The following SNRPA variants were observed in gnomAD, a reference collection of about 807,000 sequenced individuals.
The protein encoded by SNRPA is small nuclear ribonucleoprotein polypeptide A.
A neutral mutation model predicts 24.5 loss-of-function variants in SNRPA; 10 were observed. The observed-to-expected ratio is 0.41, with a 90% CI of 0.25 to 0.69. The LOEUF is 0.69. Ranked by LOEUF, SNRPA falls within the 30% of genes least tolerant of loss-of-function variation. The pLI, the probability that SNRPA is intolerant of heterozygous loss-of-function variation, is 0.33. For missense variants in SNRPA, 283 were observed against 394.7 expected (o/e 0.72, Z 2.40); for synonymous variants, 165 against 148.4 (o/e 1.11, Z -0.81).
At chr19:40,757,306 A>C (rs1448311070) in intron 1 of SNRPA, 26 bp from the exon 2 acceptor site, 4 of 1,612,848 alleles carry the variant, frequency 2.5e-6, no homozygotes, top group Non-Finnish European at 2.5e-6. Context: ...AGGGGAGCTC[A>C]AAGGTCTTTT....
intron 1 of SNRPA, among the ~76,000 whole-genome samples, chr19:40,756,325 G>C (rs1382641605): frequency 1.3e-5 from 2 of 151,642 alleles, no homozygotes; most frequent in African/African-American, 4.9e-5. Flanking sequence ...GCCAGGTGTG[G>C]TGGCACACTC....
At chr19:40,759,657 C>T (rs758978597) in intron 3 of SNRPA, 47 bp downstream of exon 3, 2 of 1,533,456 alleles carry the variant, frequency 1.3e-6, no homozygotes, top group Non-Finnish European at 1.8e-6. Context: ...AGACCTTCCT[C>T]AGCCACATGG....
At chr19:40,756,568 C>A (rs2082909295) in intron 1 of SNRPA, among the ~76,000 whole-genome samples, 1 of 150,550 alleles carries the variant, frequency 6.6e-6, no homozygotes. Context: ...TGCACTCCAG[C>A]CTGGGTGACA....
intron 2 of SNRPA, among the ~76,000 whole-genome samples, chr19:40,757,946 A>AAAT (rs2082915382): frequency 6.7e-6 from 1 of 149,468 alleles, no homozygotes; most frequent in African/African-American, 2.5e-5. Flanking sequence ...TGTCTCAGAA[A>AAAT]AAATAAATAA....
intron 3 of SNRPA, 107 bp downstream of exon 3, chr19:40,759,717 C>T: frequency 1.0e-6 from 1 of 967,658 alleles, no homozygotes; most frequent in Non-Finnish European, 1.5e-6. Context: ...GGCTTCAGAC[C>T]CCTCCTTTCC....
At chr19:40,754,092 C>T (rs1007951013) in intron 1 of SNRPA, among the ~76,000 whole-genome samples, 3 of 146,830 alleles carry the variant, frequency 2.0e-5, no homozygotes, top group Middle Eastern at 3.6e-3. Context: ...TCAGCCCCAG[C>T]GCCCGGCGTT....
At chr19:40,754,092 C>A (rs1007951013) in intron 1 of SNRPA, among the ~76,000 whole-genome samples, 2 of 146,748 alleles carry the variant, frequency 1.4e-5, no homozygotes, top group African/African-American at 5.0e-5. Context: ...TCAGCCCCAG[C>A]GCCCGGCGTT....
Position 40,765,059 on chromosome 19 carries a change from C to G in SNRPA, c.741C>G (p.Ala247=), listed in dbSNP as rs2082948309. The G allele has an allele frequency of 6.3e-7, 1 of 1,593,236 alleles. No individual in the cohort carries two copies. Among genetic ancestry groups the G allele is most frequent in the Non-Finnish European group, 8.5e-7 (1 of 1,171,106 alleles). The change falls in exon 6 of 6, where the codon GCC becomes GCG. Residue 247 remains alanine, a synonymous_variant. Coordinates refer to ENST00000243563, the MANE Select transcript of SNRPA (RefSeq NM_004596.5). ...TGGTACCCGGGCGGCATGACATCGC[C>G]TTCGTGGAGTTTGACAATGAGGTAC... ...VRLVPGRHDI[A]FVEFDNEVQA... is the part of the protein sequence containing the mutation.
At chr19:40,757,910 C>T (rs1196329353) in intron 2 of SNRPA, among the ~76,000 whole-genome samples, 1 of 151,400 alleles carries the variant, frequency 6.6e-6, no homozygotes, top group Non-Finnish European at 1.5e-5. Flanking sequence ...CCACTGCACT[C>T]CAGCCTAGGC....
At position 40,753,797 on chromosome 19, in the gene SNRPA, A is replaced by T. The variant is rs193285481; in HGVS notation, c.73+2316A>T. ...GTTTTTTGTTTTTAAATCTTATTTT[A>T]TTTATTTATTTATTTTTGAGACGGA... On this transcript the variant is annotated intron_variant, in intron 1 of 5. Coordinates refer to ENST00000243563, the MANE Select transcript of SNRPA (RefSeq NM_004596.5). 6.8e-3 allele frequency among the ~76,000 whole-genome samples: 1,018 copies of T among 149,856 alleles called. 15 individuals are homozygous for T. The highest frequency in any genetic ancestry group is 0.023 in the African/African-American group (954 of 40,756).
intron 1 of SNRPA, among the ~76,000 whole-genome samples, chr19:40,756,620 G>T (rs1288706160): frequency 6.6e-6 from 1 of 151,764 alleles, no homozygotes; most frequent in Non-Finnish European, 1.5e-5. Flanking sequence ...AAAAATTGTG[G>T]TGGAGTCTGT....
At position 40,751,822 on chromosome 19, in the gene SNRPA, C is replaced by G. The variant is rs2082869615; in HGVS notation, c.73+341C>G. ...TTCCTCTGAGCTGTCGTGGGGCTCT[C>G]TCTCCTCCCAGTGGCCTTTGAACTC... On this transcript the variant is annotated intron_variant, in intron 1 of 5. Transcript: ENST00000243563. Among the ~76,000 whole-genome samples the G allele has an allele frequency of 5.9e-5, 9 of 152,264 alleles. No individual in the cohort carries two copies. The South Asian group carries it at 1.9e-3, about 32-fold the overall frequency.
intron 3 of SNRPA, among the ~76,000 whole-genome samples, chr19:40,761,361 T>C (rs1021162624): frequency 6.6e-6 from 1 of 151,542 alleles, no homozygotes; most frequent in African/African-American, 2.4e-5. Context: ...CCCTACCTCA[T>C]ACTATATGCA....
chr19:40,760,730 G>A (rs2082927787), intron 3 of SNRPA, among the ~76,000 whole-genome samples: 1 of 152,154 alleles, frequency 6.6e-6, no homozygotes, highest in Non-Finnish European at 1.5e-5. Context: ...CTTTAGGTCA[G>A]GAGTTCAAGA....
chr19:40,751,522 C>G, intron 1 of SNRPA, 41 bp downstream of exon 1: 2 of 1,445,128 alleles, frequency 1.4e-6, no homozygotes, highest in Non-Finnish European at 1.9e-6. Flanking sequence ...CTGTCCCGCA[C>G]GGGCTGGCCC....
rs1368001200 is a variant in SNRPA, at chr19:40,751,370, G to A, written c.-39G>A. ...TGGAGAAACCCAGGGCTAAAGTCAC[G>A]TTTTTCCTCCTTTAAGACTTACCTC... On this transcript the variant is annotated 5_prime_UTR_variant, in exon 1 of 6. Transcript: ENST00000243563. 6.6e-7 allele frequency: 1 copy of A among 1,523,810 alleles called. No homozygotes were observed. The highest frequency in any genetic ancestry group is 1.4e-5 in the African/African-American group (1 of 73,004). The allele number at this position is 1,523,810 out of a possible 1,614,324, so 94.4% of individuals were successfully genotyped here.
chr19:40,753,545 C>T (rs1164791272), intron 1 of SNRPA, among the ~76,000 whole-genome samples: 15 of 149,740 alleles, frequency 1.0e-4, no homozygotes, highest in African/African-American at 2.4e-4. Flanking sequence ...TACAGGCACC[C>T]GCCACCACGC....
intron 4 of SNRPA, chr19:40,763,377 G>A (rs1375253893): frequency 1.3e-5 from 8 of 609,228 alleles, no homozygotes; most frequent in Middle Eastern, 6.7e-4. Context: ...AGCAGGGACT[G>A]AGATAGAAAC....
rs768830674 is a variant in SNRPA at position 40,763,699 on chromosome 19, G to A, written c.689+24G>A. On this transcript the variant is annotated intron_variant, in intron 5 of 5. Transcript: ENST00000243563. ...CAGTAAGTGGGGCCTGTGGCTGGGT[G>A]GTCCCTGGAGGGTGATGGCCAGGAG... The A allele has an allele frequency of 5.0e-6, 8 of 1,585,882 alleles. No homozygotes were observed. In the South Asian group the frequency reaches 7.7e-5, roughly 15 times the overall value.
Sources: gnomAD v4.1 joint callset for allele counts (sites outside exome capture counted in the v4.1 genomes callset) on GRCh38, gnomAD v4.1.1 for gene constraint, MANE v1.5 for transcripts, NCBI Gene and HGNC (gene_info 2026-07-23, HGNC 2026-07-21) for gene names.